The following IL20RB variants were observed in gnomAD, a reference collection of about 807,000 sequenced individuals.
IL20RB encodes interleukin 20 receptor subunit beta.
IL20RB carries 21 observed loss-of-function variants against 33.3 expected under a neutral mutation model. The ratio of observed to expected loss-of-function variants is 0.63; its 90% CI spans 0.45 to 0.91. IL20RB has a LOEUF of 0.91. Ranked by LOEUF, IL20RB falls within the 40% of genes least tolerant of loss-of-function variation. The pLI is 0.00. For synonymous variants in IL20RB, 147 were observed against 146.8 expected, an observed-to-expected ratio of 1.00 and a Z score of -0.01; for missense variants, 345 against 384.8, an observed-to-expected ratio of 0.90 and a Z score of 0.86.
rs1212757736 is a variant in IL20RB, at chr3:136,963,684, T to A, written c.88+5483T>A. ...GTGTTCTAGATACTAGTTCTTTTTT[T>A]TTTTTTTTATTTTTTTTTTTTATTA... On this transcript the variant is annotated intron_variant, in intron 1 of 6. Transcript: ENST00000329582. Among the ~76,000 whole-genome samples the A allele has an allele frequency of 6.5e-5, 6 of 91,818 alleles. No homozygotes were observed. In the South Asian group the frequency reaches 1.1e-3, roughly 17 times the overall value. The allele number at this position is 91,818 out of a possible 152,430, so 60.2% of individuals were successfully genotyped here. A position where few individuals can be genotyped will look rare whatever the true frequency, so the allele number is the denominator to read the frequency against.
intron 6 of IL20RB, among the ~76,000 whole-genome samples, chr3:137,000,612 C>T (rs143206216): frequency 6.6e-6 from 1 of 152,292 alleles, no homozygotes; most frequent in African/African-American, 2.4e-5. Context: ...GAGTGTTGGT[C>T]TGATTGGTGC....
chr3:137,010,438 G>C lies in IL20RB; in HGVS notation c.*215G>C. The C allele has an allele frequency of 2.1e-6, 1 of 467,274 alleles. No individual in the cohort carries two copies. The highest frequency in any genetic ancestry group is 3.8e-6 in the Non-Finnish European group (1 of 260,958). 28.9% of individuals were successfully genotyped at this position (467,274 alleles called of 1,614,324 possible). A position where few individuals can be genotyped will look rare whatever the true frequency, so the allele number is the denominator to read the frequency against. ...TTAGGGGATGTGACCTCTAGACTGG[G>C]GGCTGCCACTTGCTGGCTGAGCAAC... On this transcript the variant is annotated 3_prime_UTR_variant, in exon 7 of 7. Transcript: ENST00000329582.
intron 4 of IL20RB, among the ~76,000 whole-genome samples, chr3:136,990,481 C>T (rs1942010957): frequency 6.6e-6 from 1 of 152,158 alleles, no homozygotes; most frequent in South Asian, 2.1e-4. Flanking sequence ...GCTTCCTACT[C>T]ATGCCTATGA....
chr3:136,958,030 G>A lies in IL20RB; in HGVS notation c.-84G>A. The A allele has an allele frequency of 2.4e-6, 2 of 841,944 alleles. No homozygotes were observed. Among genetic ancestry groups the A allele is most frequent in the East Asian group, 2.5e-5 (1 of 40,560 alleles). The allele number at this position is 841,944 out of a possible 1,614,324, so 52.2% of individuals were successfully genotyped here. A position where few individuals can be genotyped will look rare whatever the true frequency, so the allele number is the denominator to read the frequency against. On this transcript the variant is annotated 5_prime_UTR_variant, in exon 1 of 7. It removes an upstream start codon present in the reference 5' UTR. Coordinates refer to ENST00000329582, the MANE Select transcript of IL20RB (RefSeq NM_144717.4). Reference sequence around the variant, plus strand: ...GACTCAGACCTCAGCTCCAACATATGCATTCTGAAGAAAGATGGCTGAGAT... The same window carrying A: ...GACTCAGACCTCAGCTCCAACATATACATTCTGAAGAAAGATGGCTGAGAT...
Position 136,982,492 on chromosome 3 carries a change from G to T in IL20RB, c.406+142G>T, listed in dbSNP as rs969376960. ...TTGTGAACACAAACAACCCTTACTG[G>T]TATATTTGAAAAATTGCCAACTGCT... On this transcript the variant is annotated intron_variant, in intron 3 of 6. Transcript: ENST00000329582. 8 of 550,466 alleles carry T rather than the reference G, an allele frequency of 1.5e-5. No homozygotes were observed. The African/African-American group carries it at 1.5e-4, about 11-fold the overall frequency. The allele number at this position is 550,466 out of a possible 1,614,324, so 34.1% of individuals were successfully genotyped here.
intron 2 of IL20RB, among the ~76,000 whole-genome samples, chr3:136,981,756 A>G (rs1941780693): frequency 6.6e-6 from 1 of 152,212 alleles, no homozygotes; most frequent in South Asian, 2.1e-4. Context: ...ACCACTGGCA[A>G]GAGTTTGGAT....
At chr3:136,989,631 G>A (rs1030915018) in intron 4 of IL20RB, 66 bp downstream of exon 4, 10 of 1,584,084 alleles carry the variant, frequency 6.3e-6, no homozygotes, top group Admixed American at 3.4e-5. Flanking sequence ...CTGAGGGTGA[G>A]CAAGGGAAGG....
intron 1 of IL20RB, among the ~76,000 whole-genome samples, chr3:136,977,612 A>G (rs1941652093): frequency 6.6e-6 from 1 of 151,784 alleles, no homozygotes; most frequent in African/African-American, 2.4e-5. Context: ...TGCAACCTCC[A>G]CCTCCTGGGT....
rs1381263955 is a variant in IL20RB, at chr3:136,958,210, G to T, written c.88+9G>T. ...TCCATGTTTGCTCACAGGTAAGTAT[G>T]AATTAGAATACATCCAATAGTTTGG... On this transcript the variant is annotated intron_variant, in intron 1 of 6. Coordinates refer to ENST00000329582, the MANE Select transcript of IL20RB (RefSeq NM_144717.4). The T allele has an allele frequency of 6.5e-7, 1 of 1,548,390 alleles. No homozygotes were observed. Among genetic ancestry groups the T allele is most frequent in the South Asian group, 1.1e-5 (1 of 89,508 alleles).
At chr3:137,001,194 T>C (rs1942236055) in intron 6 of IL20RB, among the ~76,000 whole-genome samples, 1 of 152,244 alleles carries the variant, frequency 6.6e-6, no homozygotes, top group South Asian at 2.1e-4. Context: ...CCATGGCAGA[T>C]AGACGTCACT....
At chr3:136,994,216 C>A (rs941445397) in intron 5 of IL20RB, among the ~76,000 whole-genome samples, 16 of 152,006 alleles carry the variant, frequency 1.1e-4, no homozygotes, top group Non-Finnish European at 1.6e-4. Flanking sequence ...TTTGATAGCA[C>A]AATAGGATGA....
At chr3:136,997,321 T>G (rs1332385987) in intron 6 of IL20RB, among the ~76,000 whole-genome samples, 2 of 152,222 alleles carry the variant, frequency 1.3e-5, no homozygotes. Flanking sequence ...CTCAAACTCC[T>G]GACCTCATGA....
intron 6 of IL20RB, among the ~76,000 whole-genome samples, chr3:136,996,864 G>A (rs1369794082): frequency 1.3e-5 from 2 of 152,120 alleles, no homozygotes; most frequent in African/African-American, 2.4e-5. Context: ...TGGGAAACAG[G>A]GTGGGCCTTT....
chr3:137,010,229 C>A lies in IL20RB; in HGVS notation c.*6C>A. 7.3e-7 allele frequency: 1 copy of A among 1,378,258 alleles called. No individual in the cohort carries two copies. 85.4% of individuals were successfully genotyped at this position (1,378,258 alleles called of 1,614,324 possible). A position where few individuals can be genotyped will look rare whatever the true frequency, so the allele number is the denominator to read the frequency against. On this transcript the variant is annotated 3_prime_UTR_variant, in exon 7 of 7. Coordinates refer to ENST00000329582, the MANE Select transcript of IL20RB (RefSeq NM_144717.4). ...TCAGGGCCTGGATCTCATAGGTTTG[C>A]GGAAGGGCCCAGGTGAAGCCGAGAA... is the stretch of plus-strand genomic sequence containing the variant.
intron 6 of IL20RB, among the ~76,000 whole-genome samples, chr3:137,002,496 G>T (rs1942265198): frequency 1.3e-5 from 2 of 152,148 alleles, no homozygotes; most frequent in African/African-American, 4.8e-5. Flanking sequence ...ATCTCATTGT[G>T]ATTTTGATTT....
chr3:136,973,325 C>CAA (rs201415749), intron 1 of IL20RB, among the ~76,000 whole-genome samples: 2 of 88,434 alleles, frequency 2.3e-5, no homozygotes, highest in Non-Finnish European at 2.4e-5. Context: ...ACTAAAAATA[C>CAA]AAAAAAAAAA....
At chr3:136,987,367 T>C (rs1170299665) in intron 3 of IL20RB, among the ~76,000 whole-genome samples, 1 of 152,104 alleles carries the variant, frequency 6.6e-6, no homozygotes, top group Non-Finnish European at 1.5e-5. Flanking sequence ...TGTCGATTGG[T>C]GCACTCACAA....
chr3:136,986,082 C>G (rs1458040976), intron 3 of IL20RB, among the ~76,000 whole-genome samples: 1 of 152,020 alleles, frequency 6.6e-6, no homozygotes, highest in African/African-American at 2.4e-5. Context: ...AGTGAAACCC[C>G]GTCGCCTGTA....
At chr3:137,006,025 G>A (rs903342830) in intron 6 of IL20RB, among the ~76,000 whole-genome samples, 1 of 152,152 alleles carries the variant, frequency 6.6e-6, no homozygotes, top group African/African-American at 2.4e-5. Flanking sequence ...CACTTATGAA[G>A]CTTAGTTTGG....
Sources: gnomAD v4.1 joint callset for allele counts (sites outside exome capture counted in the v4.1 genomes callset) on GRCh38, gnomAD v4.1.1 for gene constraint, MANE v1.5 for transcripts, NCBI Gene and HGNC (gene_info 2026-07-23, HGNC 2026-07-21) for gene names.